Variants in TYW1 observed in about 807,000 individuals in gnomAD.
The protein encoded by TYW1 is tRNA-yW synthesizing protein 1 homolog.
In TYW1, 46 loss-of-function variants were observed where a neutral mutation model predicts 96.2. The ratio of observed to expected loss-of-function variants is 0.48; its 90% CI spans 0.38 to 0.61. The LOEUF (loss-of-function observed/expected upper bound fraction) is 0.61, where lower values mean the gene tolerates loss of function less well. TYW1 is among the 20% of genes least tolerant of loss of function. TYW1 has a pLI of 0.00. For synonymous variants in TYW1, 274 were observed against 323.0 expected, an observed-to-expected ratio of 0.85 and a Z score of 1.63; for missense variants, 684 against 909.6, an observed-to-expected ratio of 0.75 and a Z score of 3.19.
intron 13 of TYW1, among the ~76,000 whole-genome samples, chr7:67,150,444 A>G (rs62464966): frequency 0.04 from 6,155 of 152,240 alleles, 174 homozygotes; most frequent in Middle Eastern, 0.099. Context: ...ATCAAACACA[A>G]AGATTATATC....
At chr7:67,025,490 C>T (rs1461872498) in intron 7 of TYW1, among the ~76,000 whole-genome samples, 1 of 151,962 alleles carries the variant, frequency 6.6e-6, no homozygotes, top group Non-Finnish European at 1.5e-5. Flanking sequence ...TTATTCAGGG[C>T]TATTTGAAGA....
chr7:67,036,708 T>C lies in TYW1; in HGVS notation c.984+11686T>C, dbSNP rs1231731035. On this transcript the variant is annotated intron_variant, in intron 7 of 15. Transcript: ENST00000359626. ...TGCCAGCCAGGCAGTTCTGCAGGAA[T>C]AGTTTAGGATTTCAATTTGAGATGG... Among the ~76,000 whole-genome samples, 4 of 152,204 alleles carry C rather than the reference T, an allele frequency of 2.6e-5. No individual in the cohort carries two copies. The East Asian group carries it at 7.7e-4, about 29-fold the overall frequency.
At chr7:67,194,794 T>G (rs932350134) in intron 14 of TYW1, among the ~76,000 whole-genome samples, 2 of 148,422 alleles carry the variant, frequency 1.3e-5, no homozygotes, top group Admixed American at 1.3e-4. Context: ...CCCCCATTAT[T>G]GTCCTAAGGG....
intron 9 of TYW1, among the ~76,000 whole-genome samples, chr7:67,062,329 A>C (rs909939735): frequency 2.0e-5 from 3 of 151,990 alleles, no homozygotes; most frequent in Non-Finnish European, 2.9e-5. Flanking sequence ...GAATCACTCA[A>C]ACCCGGGAGG....
At chr7:67,081,713 CTCT>C (rs146087837) in intron 10 of TYW1, among the ~76,000 whole-genome samples, 6,055 of 151,330 alleles carry the variant, frequency 0.04, 175 homozygotes, top group Middle Eastern at 0.1. Context: ...TCTCCCTTCT[CTCT>C]TCTTCTTCTT....
rs927326141 is a variant in TYW1, at chr7:67,204,863, A to G, written c.1977+9526A>G. On this transcript the variant is annotated intron_variant, in intron 15 of 15. Transcript: ENST00000359626. ...CCCACCTCCACCTCCCTGGGATTAC[A>G]GGCATGAGCCACCACGCCCAGCCAA... Among the ~76,000 whole-genome samples, 5 of 152,254 alleles carry G rather than the reference A, an allele frequency of 3.3e-5. 1 individual carries two copies. Among genetic ancestry groups the G allele is most frequent in the African/African-American group, 1.2e-4 (5 of 41,560 alleles).
At chr7:67,028,448 A>G (rs980391432) in intron 7 of TYW1, among the ~76,000 whole-genome samples, 1 of 152,196 alleles carries the variant, frequency 6.6e-6, no homozygotes, top group African/African-American at 2.4e-5. Context: ...CCAAAAACCT[A>G]GTAGAAAAAG....
intron 13 of TYW1, among the ~76,000 whole-genome samples, chr7:67,127,770 C>A (rs1797950942): frequency 6.6e-6 from 1 of 151,982 alleles, no homozygotes; most frequent in Non-Finnish European, 1.5e-5. Context: ...CCCCAGATTC[C>A]AGTTGTCTGA....
intron 15 of TYW1, among the ~76,000 whole-genome samples, chr7:67,220,963 G>T (rs1801374704): frequency 2.0e-5 from 3 of 151,986 alleles, no homozygotes. Context: ...GGGACCTCAG[G>T]TGATCCACCT....
rs113186667 is a variant in TYW1, at chr7:67,179,516, G to A, written c.1699-3610G>A. ...CTTAACAGCTGTCAGCCTCACCTTC[G>A]TATCTGTAAAGTGAAGATAATAATC... is the stretch of plus-strand genomic sequence containing the variant. On this transcript the variant is annotated intron_variant, in intron 13 of 15. Transcript: ENST00000359626. Among the ~76,000 whole-genome samples the A allele has an allele frequency of 6.0e-5, 8 of 134,434 alleles. 3 individuals carry two copies. The highest frequency in any genetic ancestry group is 1.5e-4 in the Admixed American group (2 of 13,426). 88.2% of individuals were successfully genotyped at this position (134,434 alleles called of 152,430 possible). A position where few individuals can be genotyped will look rare whatever the true frequency, so the allele number is the denominator to read the frequency against.
intron 15 of TYW1, among the ~76,000 whole-genome samples, chr7:67,209,535 C>T (rs1371449096): frequency 6.6e-6 from 1 of 152,048 alleles, no homozygotes; most frequent in Non-Finnish European, 1.5e-5. Flanking sequence ...ATCCACATAG[C>T]AGTGTTTCAA....
chr7:67,099,922 A>T (rs1584560180), intron 12 of TYW1, among the ~76,000 whole-genome samples: 1 of 152,248 alleles, frequency 6.6e-6, no homozygotes, highest in Admixed American at 6.5e-5. Context: ...GAATCGCTTG[A>T]ACCCGGGAGG....
intron 13 of TYW1, among the ~76,000 whole-genome samples, chr7:67,150,818 T>C (rs1798772275): frequency 6.7e-6 from 1 of 148,760 alleles, no homozygotes. Context: ...GACTGAGCTA[T>C]TGACTTTCAG....
intron 15 of TYW1, among the ~76,000 whole-genome samples, chr7:67,201,052 G>A (rs2116360911): frequency 6.6e-6 from 1 of 152,164 alleles, no homozygotes; most frequent in South Asian, 2.1e-4. Context: ...GGCATGGGGA[G>A]GCACTGAAGA....
At chr7:67,202,132 C>T (rs35918453) in intron 15 of TYW1, among the ~76,000 whole-genome samples, 38,221 of 152,004 alleles carry the variant, frequency 0.25, 4,999 homozygotes, top group African/African-American at 0.3. Context: ...TGTTTTCTGG[C>T]GCTTCTTTTC....
chr7:67,060,456 T>C (rs1185416120), intron 9 of TYW1, among the ~76,000 whole-genome samples: 1 of 152,248 alleles, frequency 6.6e-6, no homozygotes, highest in African/African-American at 2.4e-5. Context: ...GAGTTGTGAA[T>C]CTAGGCTTAA....
rs200948473 is a variant in TYW1 at position 67,066,037 on chromosome 7, A to C, written c.1156-1248A>C. The stretch of plus-strand genomic sequence containing the variant: ...CACACACACACACACACACACCCAC[A>C]CCCCTATACACGTGTAAAGGCTACT... On this transcript the variant is annotated intron_variant, in intron 9 of 15. Coordinates refer to ENST00000359626, the MANE Select transcript of TYW1 (RefSeq NM_018264.4). Among the ~76,000 whole-genome samples the C allele has an allele frequency of 4.0e-3, 543 of 134,666 alleles. 3 individuals carry two copies. The highest frequency in any genetic ancestry group is 0.017 in the Middle Eastern group (4 of 236). 88.3% of individuals were successfully genotyped at this position (134,666 alleles called of 152,430 possible).
intron 15 of TYW1, among the ~76,000 whole-genome samples, chr7:67,222,866 C>CTTTTTTTTTT (rs570972265): frequency 3.2e-4 from 35 of 109,560 alleles, no homozygotes; most frequent in East Asian, 5.0e-4. Context: ...CGCTTTTTTT[C>CTTTTTTTTTT]TTTTTTTTTT....
intron 7 of TYW1, among the ~76,000 whole-genome samples, chr7:67,042,220 T>C (rs1303720861): frequency 1.3e-5 from 2 of 149,454 alleles, no homozygotes; most frequent in Admixed American, 1.3e-4. Flanking sequence ...AGAATTAGAA[T>C]ATATTAACTA....
Sources: allele counts gnomAD v4.1 joint callset (sites outside exome capture counted in the v4.1 genomes callset), GRCh38; gene constraint gnomAD v4.1.1; transcripts MANE v1.5; gene names NCBI Gene and HGNC (gene_info 2026-07-23, HGNC 2026-07-21).